Variants in HCN1 observed in about 807,000 individuals in gnomAD.
HCN1 encodes the protein potassium/sodium hyperpolarization-activated cyclic nucleotide-gated channel 1.
A neutral mutation model predicts 78.9 loss-of-function variants in HCN1; 13 were observed. The observed-to-expected ratio is 0.16, with a 90% CI of 0.11 to 0.26. HCN1 has a LOEUF of 0.26. Ranked by LOEUF, HCN1 falls within the 10% of genes least tolerant of loss-of-function variation. HCN1 has a pLI of 1.00. For missense variants in HCN1, 810 were observed against 1,154.3 expected, an observed-to-expected ratio of 0.70 and a Z score of 4.32; for synonymous variants, 552 against 455.5, an observed-to-expected ratio of 1.21 and a Z score of -2.70.
rs114206363 is a variant in HCN1 at position 45,491,154 on chromosome 5, A to C, written c.850-29147T>G. On this transcript the variant is annotated intron_variant, in intron 2 of 7. Transcript: ENST00000303230. Reference sequence around the variant, plus strand: ...GAATCACACTCGGAATCTGTATATGAAAATTAAATATTAACATGTATTGCC... The same window carrying C: ...GAATCACACTCGGAATCTGTATATGCAAATTAAATATTAACATGTATTGCC... Among the ~76,000 whole-genome samples, 1,013 of 152,310 alleles carry C rather than the reference A, an allele frequency of 6.7e-3. 4 individuals are homozygous for C. Among genetic ancestry groups the C allele is most frequent in the Middle Eastern group, 0.02 (6 of 294 alleles).
intron 4 of HCN1, among the ~76,000 whole-genome samples, chr5:45,379,003 T>C (rs917090714): frequency 6.6e-6 from 1 of 152,168 alleles, no homozygotes; most frequent in African/African-American, 2.4e-5. Flanking sequence ...TGCCACATTT[T>C]CTTAATCCAG....
chr5:45,321,623 A>G (rs1250011544), intron 5 of HCN1, among the ~76,000 whole-genome samples: 1 of 150,168 alleles, frequency 6.7e-6, no homozygotes, highest in Non-Finnish European at 1.5e-5. Context: ...GGAGACTAAT[A>G]CCTATTTTTT....
In HCN1 at chr5:45,442,619, G is replaced by A. The variant is rs573924045; in HGVS notation, c.1011+19227C>T. 5.7e-3 allele frequency among the ~76,000 whole-genome samples: 867 copies of A among 151,856 alleles called. 7 individuals are homozygous for A. The highest frequency in any genetic ancestry group is 8.1e-3 in the Non-Finnish European group (552 of 67,874). ...GTAGTTACCATATATAAAATATAAT[G>A]GCATTTACAATAAAAAACATCTGAA... On this transcript the variant is annotated intron_variant, in intron 3 of 7. Coordinates refer to ENST00000303230, the MANE Select transcript of HCN1 (RefSeq NM_021072.4).
chr5:45,284,078 G>A (rs1029926849), intron 6 of HCN1, among the ~76,000 whole-genome samples: 9 of 152,052 alleles, frequency 5.9e-5, no homozygotes, highest in African/African-American at 2.2e-4. Context: ...ACTTATAAAT[G>A]GAAGCTAAAT....
At chr5:45,426,912 CA>C (rs1378791913) in intron 3 of HCN1, among the ~76,000 whole-genome samples, 1 of 151,992 alleles carries the variant, frequency 6.6e-6, no homozygotes, top group Non-Finnish European at 1.5e-5. Flanking sequence ...TAAAATTTAG[CA>C]GTTTCTATGT....
intron 1 of HCN1, among the ~76,000 whole-genome samples, chr5:45,652,847 C>T (rs1237115904): frequency 6.6e-6 from 1 of 151,938 alleles, no homozygotes; most frequent in Non-Finnish European, 1.5e-5. Flanking sequence ...CATTTGATTA[C>T]TTGCCCAGCT....
intron 2 of HCN1, among the ~76,000 whole-genome samples, chr5:45,611,627 G>C (rs1244843149): frequency 6.6e-6 from 1 of 151,852 alleles, no homozygotes; most frequent in Admixed American, 6.6e-5. Flanking sequence ...ATCACAACCT[G>C]ACATTTAAAT....
rs1579852890 is a variant in HCN1, at chr5:45,375,115, A to ATG, written c.1230+21376_1230+21377insCA. ...ATAATATAATATTTTATAATATATA[A>ATG]TATATTATATATAATATATTTTATA... On this transcript the variant is annotated intron_variant, in intron 4 of 7. Transcript: ENST00000303230. Among the ~76,000 whole-genome samples, 4 of 122,084 alleles carry ATG rather than the reference A, an allele frequency of 3.3e-5. No homozygotes were observed. The East Asian group carries it at 8.6e-4, about 26-fold the overall frequency. The allele number at this position is 122,084 out of a possible 152,430, so 80.1% of individuals were successfully genotyped here.
intron 2 of HCN1, among the ~76,000 whole-genome samples, chr5:45,583,790 A>G (rs1407115913): frequency 6.6e-6 from 1 of 152,108 alleles, no homozygotes; most frequent in African/African-American, 2.4e-5. Flanking sequence ...TGTACCCAGC[A>G]GTCATTCAGG....
At chr5:45,305,193 T>C (rs975222001) in intron 5 of HCN1, among the ~76,000 whole-genome samples, 12 of 152,136 alleles carry the variant, frequency 7.9e-5, no homozygotes, top group Non-Finnish European at 1.3e-4. Flanking sequence ...AAATGTGCTA[T>C]ACCGACCCAT....
At chr5:45,511,133 T>C (rs1742407483) in intron 2 of HCN1, among the ~76,000 whole-genome samples, 1 of 151,998 alleles carries the variant, frequency 6.6e-6, no homozygotes, top group South Asian at 2.1e-4. Context: ...CCATTCTCCA[T>C]GAGCTCTCCA....
At chr5:45,388,830 C>T (rs2112032827) in intron 4 of HCN1, among the ~76,000 whole-genome samples, 1 of 151,992 alleles carries the variant, frequency 6.6e-6, no homozygotes, top group East Asian at 1.9e-4. Context: ...AGTATTTGTC[C>T]TAATAGTATT....
At chr5:45,371,514 T>A (rs983884012) in intron 4 of HCN1, among the ~76,000 whole-genome samples, 2 of 151,778 alleles carry the variant, frequency 1.3e-5, no homozygotes, top group African/African-American at 4.8e-5. Flanking sequence ...ATCCCAGCAC[T>A]TTGGGAAGCC....
At chr5:45,680,800 A>G (rs1739688082) in intron 1 of HCN1, among the ~76,000 whole-genome samples, 1 of 151,916 alleles carries the variant, frequency 6.6e-6, no homozygotes, top group Non-Finnish European at 1.5e-5. Context: ...TGCTTTTCTA[A>G]TTATATTATC....
At chr5:45,495,871 G>A (rs1374094700) in intron 2 of HCN1, among the ~76,000 whole-genome samples, 1 of 152,152 alleles carries the variant, frequency 6.6e-6, no homozygotes, top group Non-Finnish European at 1.5e-5. Flanking sequence ...TGTGGTTTTG[G>A]TCTTTGGTTC....
chr5:45,452,932 G>T (rs190997632), intron 3 of HCN1, among the ~76,000 whole-genome samples: 1 of 151,982 alleles, frequency 6.6e-6, no homozygotes, highest in South Asian at 2.1e-4. Flanking sequence ...CTTATATCCC[G>T]CATTTATCAC....
intron 1 of HCN1, among the ~76,000 whole-genome samples, chr5:45,690,314 A>T (rs1420903322): frequency 6.6e-6 from 1 of 152,074 alleles, no homozygotes; most frequent in Non-Finnish European, 1.5e-5. Flanking sequence ...TATTAGACAA[A>T]ATAGAAAAAT....
intron 4 of HCN1, among the ~76,000 whole-genome samples, chr5:45,380,756 T>A (rs572723567): frequency 1.1e-4 from 16 of 152,248 alleles, no homozygotes; most frequent in Admixed American, 5.2e-4. Context: ...AAAAGTAGTA[T>A]TCTATTTTTG....
intron 6 of HCN1, among the ~76,000 whole-genome samples, chr5:45,271,599 GTAAC>G (rs1196351401): frequency 1.3e-5 from 2 of 152,054 alleles, no homozygotes; most frequent in African/African-American, 2.4e-5. Flanking sequence ...CCTTAACTCT[GTAAC>G]TAACTTAGAC....
Sources: gnomAD v4.1 joint callset for allele counts (sites outside exome capture counted in the v4.1 genomes callset) on GRCh38, gnomAD v4.1.1 for gene constraint, MANE v1.5 for transcripts, NCBI Gene and HGNC (gene_info 2026-07-23, HGNC 2026-07-21) for gene names.